MGAT4C: variants seen among roughly 807,000 people sequenced by gnomAD.
MGAT4C encodes alpha-1,3-mannosyl-glycoprotein 4-beta-N-acetylglucosaminyltransferase C.
MGAT4C carries 19 observed loss-of-function variants against 40.1 expected under a neutral mutation model. The ratio of observed to expected loss-of-function variants is 0.47; its 90% CI spans 0.33 to 0.70. The LOEUF (loss-of-function observed/expected upper bound fraction) is 0.70, where lower values mean the gene tolerates loss of function less well. MGAT4C is among the 30% of genes least tolerant of loss of function. The pLI is 0.02. For missense variants in MGAT4C, 491 were observed against 563.2 expected (o/e 0.87, Z 1.30); for synonymous variants, 181 against 187.1 (o/e 0.97, Z 0.27).
chr12:86,379,120 C>A (rs1955883040), intron 3 of MGAT4C, among the ~76,000 whole-genome samples: 1 of 151,960 alleles, frequency 6.6e-6, no homozygotes, highest in Non-Finnish European at 1.5e-5. Context: ...AGGTTCTCAG[C>A]TTATTTATTT....
chr12:86,531,591 T>G (rs2136373201), intron 2 of MGAT4C, among the ~76,000 whole-genome samples: 1 of 152,178 alleles, frequency 6.6e-6, no homozygotes, highest in Admixed American at 6.6e-5. Flanking sequence ...TTTACAATAT[T>G]ATATTGAAGC....
intron 2 of MGAT4C, among the ~76,000 whole-genome samples, chr12:86,721,139 G>A (rs1201120956): frequency 3.3e-5 from 5 of 152,130 alleles, no homozygotes; most frequent in Non-Finnish European, 7.4e-5. Flanking sequence ...AACAGAGAAG[G>A]TGGCAAGTGT....
At chr12:86,384,201 T>C (rs1317464484) in intron 3 of MGAT4C, among the ~76,000 whole-genome samples, 11 of 152,212 alleles carry the variant, frequency 7.2e-5, no homozygotes, top group Admixed American at 6.5e-4. Context: ...GTCTCAGGTA[T>C]GTTTTTATCA....
At chr12:86,277,444 G>A (rs1216571703) in intron 4 of MGAT4C, among the ~76,000 whole-genome samples, 3 of 152,058 alleles carry the variant, frequency 2.0e-5, no homozygotes, top group Admixed American at 1.3e-4. Flanking sequence ...TGTGCTTGTG[G>A]GGCATTACTC....
rs1159532884 is a variant in MGAT4C, at chr12:85,963,153, G to A, written c.*16136C>T. On this transcript the variant is annotated 3_prime_UTR_variant, in exon 5 of 5. Transcript: ENST00000611864. ...CTTTTACTAGTTTAATTACTTGGGT[G>A]CTTTAAATGTTTTTTGGAGGCTATT... 1.3e-5 allele frequency: 2 copies of A among 151,794 alleles called. No individual in the cohort carries two copies. The highest frequency in any genetic ancestry group is 2.4e-5 in the African/African-American group (1 of 41,394). 9.4% of individuals were successfully genotyped at this position (151,794 alleles called of 1,614,324 possible).
At chr12:86,219,432 A>G (rs1950797593) in intron 1 of MGAT4C, among the ~76,000 whole-genome samples, 1 of 152,220 alleles carries the variant, frequency 6.6e-6, no homozygotes, top group Admixed American at 6.5e-5. Context: ...AGAAGACAAT[A>G]AAAACGTCAG....
chr12:86,428,425 T>C (rs1956973201), intron 3 of MGAT4C, among the ~76,000 whole-genome samples: 1 of 152,188 alleles, frequency 6.6e-6, no homozygotes, highest in South Asian at 2.1e-4. Flanking sequence ...ACTACAGGCA[T>C]GTGCCACCAT....
chr12:86,013,887 A>G (rs1375982611), intron 2 of MGAT4C: 4 of 387,450 alleles, frequency 1.0e-5, no homozygotes, highest in African/African-American at 6.6e-5. Flanking sequence ...TTTTGGTATT[A>G]CATGACTTCT....
intron 2 of MGAT4C, among the ~76,000 whole-genome samples, chr12:86,639,088 C>G (rs1233748533): frequency 1.3e-5 from 2 of 151,700 alleles, no homozygotes; most frequent in Non-Finnish European, 2.9e-5. Context: ...TTTTTATACT[C>G]AGTTTAAATT....
chr12:86,376,323 A>C (rs1188851153), intron 3 of MGAT4C, among the ~76,000 whole-genome samples: 1 of 151,920 alleles, frequency 6.6e-6, no homozygotes, highest in African/African-American at 2.4e-5. Flanking sequence ...GCAGTAAGTG[A>C]GCTGAGATCC....
intron 2 of MGAT4C, among the ~76,000 whole-genome samples, chr12:86,013,488 G>T (rs927187750): frequency 2.0e-5 from 3 of 151,756 alleles, no homozygotes; most frequent in African/African-American, 7.3e-5. Context: ...TATTATATAT[G>T]AATATATGGA....
intron 1 of MGAT4C, among the ~76,000 whole-genome samples, chr12:86,742,989 GTGTGTATGTGTGTA>G (rs1173098670): frequency 4.0e-5 from 6 of 151,544 alleles, no homozygotes; most frequent in African/African-American, 9.7e-5. Context: ...ATATATGTGT[GTGTGTATGTGTGTA>G]TGTGTATGTG....
At chr12:86,303,592 A>G (rs1463025524) in intron 4 of MGAT4C, among the ~76,000 whole-genome samples, 5 of 149,914 alleles carry the variant, frequency 3.3e-5, no homozygotes, top group Non-Finnish European at 7.4e-5. Flanking sequence ...TGCAATCCAG[A>G]GTTTAAAAAA....
chr12:86,377,976 C>T (rs1200461995), intron 3 of MGAT4C, among the ~76,000 whole-genome samples: 1 of 152,144 alleles, frequency 6.6e-6, no homozygotes, highest in African/African-American at 2.4e-5. Context: ...CCCTTTGTGA[C>T]TGGTTTATTT....
intron 1 of MGAT4C, among the ~76,000 whole-genome samples, chr12:86,813,347 G>C (rs1471901473): frequency 4.6e-5 from 7 of 151,924 alleles, no homozygotes; most frequent in African/African-American, 1.4e-4. Flanking sequence ...CATATTTTCT[G>C]TCAAAATTCG....
chr12:86,516,834 C>T (rs1357547880), intron 2 of MGAT4C, among the ~76,000 whole-genome samples: 1 of 152,152 alleles, frequency 6.6e-6, no homozygotes, highest in Non-Finnish European at 1.5e-5. Flanking sequence ...TGAGATACCT[C>T]TGTCTACCCA....
At chr12:86,133,219 T>A (rs560362814) in intron 1 of MGAT4C, among the ~76,000 whole-genome samples, 1 of 152,358 alleles carries the variant, frequency 6.6e-6, no homozygotes, top group Admixed American at 6.5e-5. Flanking sequence ...AGTAATTTGC[T>A]CATTTATATT....
intron 3 of MGAT4C, among the ~76,000 whole-genome samples, chr12:86,408,483 A>C (rs57941529): frequency 0.38 from 20,803 of 55,000 alleles, 2,750 homozygotes; most frequent in Non-Finnish European, 0.43. Context: ...CTCTCTCTAT[A>C]TATATATATA....
chr12:86,144,351 C>G (rs1051437992), intron 1 of MGAT4C, among the ~76,000 whole-genome samples: 12 of 152,046 alleles, frequency 7.9e-5, no homozygotes, highest in Non-Finnish European at 1.6e-4. Context: ...GATAGATTCT[C>G]CTAATTGAAA....
Sources: allele counts gnomAD v4.1 joint callset (sites outside exome capture counted in the v4.1 genomes callset), GRCh38; gene constraint gnomAD v4.1.1; transcripts MANE v1.5; gene names NCBI Gene and HGNC (gene_info 2026-07-23, HGNC 2026-07-21).